Variants in KLB observed in about 807,000 individuals in gnomAD.
KLB encodes the protein klotho beta.
In KLB, 44 loss-of-function variants were observed where a neutral mutation model predicts 88.4. The observed-to-expected ratio is 0.50, with a 90% CI of 0.39 to 0.64. The LOEUF (loss-of-function observed/expected upper bound fraction) is 0.64, where lower values mean the gene tolerates loss of function less well. Among genes scored for constraint, KLB ranks in the 30% least tolerant of loss-of-function variants. The probability of loss-of-function intolerance (pLI) is 0.00; values close to 1 mark genes in which losing one functional copy is unlikely to be tolerated. For synonymous variants in KLB, 548 were observed against 513.4 expected, an observed-to-expected ratio of 1.07 and a Z score of -0.91; for missense variants, 1,137 against 1,304.8, an observed-to-expected ratio of 0.87 and a Z score of 1.98.
At chr4:39,444,472 T>G (rs1743690184) in intron 3 of KLB, among the ~76,000 whole-genome samples, 1 of 152,216 alleles carries the variant, frequency 6.6e-6, no homozygotes, top group Non-Finnish European at 1.5e-5. Flanking sequence ...GAAAAAGCCA[T>G]TTCTCCAAGG....
At chr4:39,428,856 C>T (rs560558569) in intron 1 of KLB, among the ~76,000 whole-genome samples, 18 of 152,120 alleles carry the variant, frequency 1.2e-4, no homozygotes, top group Admixed American at 7.2e-4. Flanking sequence ...TACAGGTGCC[C>T]GCCACCATGA....
intron 1 of KLB, among the ~76,000 whole-genome samples, chr4:39,423,851 A>T (rs544946636): frequency 8.6e-5 from 13 of 151,670 alleles, no homozygotes; most frequent in African/African-American, 1.9e-4. Flanking sequence ...TCTTTTTTTT[A>T]AAATAAAAAA....
At chr4:39,444,434 T>C (rs1181654000) in intron 3 of KLB, among the ~76,000 whole-genome samples, 2 of 152,338 alleles carry the variant, frequency 1.3e-5, no homozygotes, top group South Asian at 4.1e-4. Flanking sequence ...TGGCACAAGA[T>C]GCCCACCTTC....
intron 1 of KLB, among the ~76,000 whole-genome samples, chr4:39,414,652 C>T (rs1293852999): frequency 2.6e-5 from 4 of 151,742 alleles, no homozygotes; most frequent in Non-Finnish European, 5.9e-5. Flanking sequence ...GGGCACATCA[C>T]GAGGTCAGGA....
chr4:39,447,735 G>C (rs996480792), intron 4 of KLB, among the ~76,000 whole-genome samples: 1 of 152,158 alleles, frequency 6.6e-6, no homozygotes, highest in Non-Finnish European at 1.5e-5. Flanking sequence ...CACTCCCCAG[G>C]ATAAACAGTC....
intron 1 of KLB, among the ~76,000 whole-genome samples, chr4:39,411,337 ATTTT>A (rs35160893): frequency 0.29 from 29,955 of 102,790 alleles, 3,275 homozygotes; most frequent in Non-Finnish European, 0.32. Context: ...TTTTGTTTTG[ATTTT>A]TTTTTTTTTT....
chr4:39,435,773 C>G (rs1188349986), intron 2 of KLB, among the ~76,000 whole-genome samples: 2 of 152,134 alleles, frequency 1.3e-5, no homozygotes, highest in Non-Finnish European at 2.9e-5. Flanking sequence ...ATTCCCATGT[C>G]CTTTTTAAAA....
At chr4:39,410,442 A>G (rs1395795429) in intron 1 of KLB, among the ~76,000 whole-genome samples, 2 of 152,196 alleles carry the variant, frequency 1.3e-5, no homozygotes, top group Non-Finnish European at 2.9e-5. Flanking sequence ...TTGCCTTAAA[A>G]GTTCTAAATC....
At position 39,434,435 on chromosome 4, in the gene KLB, G is replaced by C; in HGVS notation, c.1051G>C (p.Val351Leu). 6.2e-7 allele frequency: 1 copy of C among 1,614,144 alleles called. No individual in the cohort carries two copies. The highest frequency in any genetic ancestry group is 8.5e-7 in the Non-Finnish European group (1 of 1,180,024). Residue 351 changes from valine to leucine, a missense_variant, in exon 2 of 5, where the codon GTT (valine) becomes CTT (leucine). Physicochemically the swap from Val to Leu is conservative, Grantham distance 32. Coordinates refer to ENST00000257408, the MANE Select transcript of KLB (RefSeq NM_175737.4). ...GGGGATGAGAAAGAAGTTGTTCTCCGTTCTACCCATTTTCTCTGAAGCAGA... is the reference window on the plus strand; with the variant it reads ...GGGGATGAGAAAGAAGTTGTTCTCCCTTCTACCCATTTTCTCTGAAGCAGA... ...PEGMRKKLFS[V>L]LPIFSEAEKH... is the part of the protein sequence containing the mutation.
intron 1 of KLB, among the ~76,000 whole-genome samples, chr4:39,423,616 T>G (rs1307346167): frequency 6.6e-6 from 1 of 151,812 alleles, no homozygotes; most frequent in Non-Finnish European, 1.5e-5. Flanking sequence ...AGACTTGTCT[T>G]GCAGAAGCTG....
Position 39,447,366 on chromosome 4 carries a change from C to G in KLB, c.2640C>G (p.Tyr880Ter). 1.2e-6 allele frequency: 2 copies of G among 1,613,910 alleles called. No individual in the cohort carries two copies. Among genetic ancestry groups the G allele is most frequent in the Non-Finnish European group, 1.7e-6 (2 of 1,180,028 alleles). ...RKLLRWVRRN[Y>*]GDMDIYITAS... The stretch of plus-strand genomic sequence containing the variant: ...TGCTGCGGTGGGTCCGGAGGAACTA[C>G]GGCGACATGGACATTTACATCACCG... Residue 880 changes from tyrosine (Y) to a stop codon, truncating the protein, a stop_gained, in exon 4 of 5, where the codon TAC (tyrosine) becomes TAG (stop). Coordinates refer to ENST00000257408, the MANE Select transcript of KLB (RefSeq NM_175737.4). LOFTEE classifies it high-confidence loss of function.
intron 1 of KLB, among the ~76,000 whole-genome samples, chr4:39,417,294 A>C (rs1194399949): frequency 6.6e-6 from 1 of 151,730 alleles, no homozygotes; most frequent in East Asian, 1.9e-4. Flanking sequence ...CCCACATCAA[A>C]AAAGTGGTTT....
Position 39,447,057 on chromosome 4 carries a change from C to T in KLB, c.2331C>T (p.Phe777=), listed in dbSNP as rs1393240548. 5 of 1,612,454 alleles carry T rather than the reference C, an allele frequency of 3.1e-6. No homozygotes were observed. The Admixed American group carries it at 6.7e-5, about 21-fold the overall frequency. The change falls in exon 4 of 5, where the codon TTC becomes TTT. Residue 777 remains phenylalanine, a synonymous_variant. Coordinates refer to ENST00000257408, the MANE Select transcript of KLB (RefSeq NM_175737.4). The part of the protein sequence containing the change: ...FEIAWFAEPL[F]KTGDYPAAMR... Reference sequence around the variant, plus strand: ...TCGCCTGGTTCGCCGAGCCGCTCTTCAAGACCGGGGACTACCCCGCGGCCA... The same window carrying T: ...TCGCCTGGTTCGCCGAGCCGCTCTTTAAGACCGGGGACTACCCCGCGGCCA...
chr4:39,421,740 G>T (rs1225463040), intron 1 of KLB, among the ~76,000 whole-genome samples: 1 of 151,322 alleles, frequency 6.6e-6, no homozygotes, highest in African/African-American at 2.4e-5. Flanking sequence ...GGGCAACAGA[G>T]CAACACTCCG....
intron 1 of KLB, among the ~76,000 whole-genome samples, chr4:39,411,743 G>A (rs1211068659): frequency 2.6e-5 from 4 of 151,852 alleles, no homozygotes; most frequent in Non-Finnish European, 5.9e-5. Context: ...TCTAGGCCTG[G>A]CATGGTGGCT....
chr4:39,429,360 T>G (rs1743289222), intron 1 of KLB, among the ~76,000 whole-genome samples: 1 of 152,218 alleles, frequency 6.6e-6, no homozygotes, highest in South Asian at 2.1e-4. Context: ...CTTCTTCATC[T>G]ATTTCTAAAG....
intron 3 of KLB, among the ~76,000 whole-genome samples, chr4:39,443,758 CAAAAA>C (rs56820388): frequency 1.3e-4 from 14 of 111,090 alleles, no homozygotes; most frequent in Non-Finnish European, 1.8e-4. Context: ...GAGACTTTGT[CAAAAA>C]AAAAAAAAAA....
chr4:39,423,059 T>G (rs2608846), intron 1 of KLB, among the ~76,000 whole-genome samples: 112,084 of 151,582 alleles, frequency 0.74, 41,828 homozygotes, highest in South Asian at 0.8. Context: ...GAGCCACCGC[T>G]CCCGGCCTCA....
At chr4:39,410,357 T>C (rs1742811871) in intron 1 of KLB, among the ~76,000 whole-genome samples, 1 of 152,232 alleles carries the variant, frequency 6.6e-6, no homozygotes, top group African/African-American at 2.4e-5. Context: ...CACTTTATGA[T>C]CGTGAGATAA....
Sources: allele counts gnomAD v4.1 joint callset (sites outside exome capture counted in the v4.1 genomes callset), GRCh38; gene constraint gnomAD v4.1.1; transcripts MANE v1.5; gene names NCBI Gene and HGNC (gene_info 2026-07-23, HGNC 2026-07-21).